Variants in INSL6 observed in about 807,000 individuals in gnomAD.
INSL6 encodes insulin like 6, also known as insulin-like peptide INSL6.
A neutral mutation model predicts 9.4 loss-of-function variants in INSL6; 16 were observed. That is an observed-to-expected ratio of 1.70 (90% CI 1.15 to 2.59). INSL6 has a LOEUF of 2.59. Among genes scored for constraint, INSL6 ranks in the 30% most tolerant of loss-of-function variants. INSL6 has a pLI of 0.00. For synonymous variants in INSL6, 154 were observed against 96.9 expected, an observed-to-expected ratio of 1.59 and a Z score of -3.46; for missense variants, 391 against 257.3, an observed-to-expected ratio of 1.52 and a Z score of -3.56.
chr9:5,072,724 G>GT, the INSL6 span: 7 of 927,826 alleles, frequency 7.5e-6, no homozygotes, highest in East Asian at 1.2e-4. Context: ...TTTCAAAATT[G>GT]TAATTTTTAA....
chr9:5,182,987 T>A (rs756515421), intron 1 of INSL6, among the ~76,000 whole-genome samples: 4 of 152,184 alleles, frequency 2.6e-5, no homozygotes, highest in African/African-American at 4.8e-5. Flanking sequence ...TGTGTCAGAC[T>A]CAAGTAGATC....
At chr9:5,040,783 C>G in the INSL6 span, among the ~76,000 whole-genome samples, 4 of 152,218 alleles carry the variant, frequency 2.6e-5, no homozygotes, top group Non-Finnish European at 4.4e-5. Flanking sequence ...CCTTAACATG[C>G]GGTGGCTGGC....
chr9:5,079,068 G>C, the INSL6 span, among the ~76,000 whole-genome samples: 6 of 152,112 alleles, frequency 3.9e-5, no homozygotes, highest in Non-Finnish European at 7.4e-5. Context: ...TTTGTGCACT[G>C]ATGTGTCCTA....
the INSL6 span, among the ~76,000 whole-genome samples, chr9:5,081,105 C>A: frequency 6.6e-6 from 1 of 151,886 alleles, no homozygotes; most frequent in Non-Finnish European, 1.5e-5. Flanking sequence ...CCGTGTTAGC[C>A]AGGATGGTCT....
At chr9:5,040,508 A>G in the INSL6 span, among the ~76,000 whole-genome samples, 1 of 152,256 alleles carries the variant, frequency 6.6e-6, no homozygotes, top group Non-Finnish European at 1.5e-5. Context: ...CAAAAATGCG[A>G]AAAGACCACC....
chr9:5,046,083 G>C, the INSL6 span, among the ~76,000 whole-genome samples: 1 of 152,154 alleles, frequency 6.6e-6, no homozygotes, highest in Admixed American at 6.5e-5. Context: ...CTATGGGTTT[G>C]AGGTGGTATC....
chr9:5,138,903 C>A (rs970668811), intron 2 of INSL6, among the ~76,000 whole-genome samples: 2 of 132,988 alleles, frequency 1.5e-5, no homozygotes, highest in Non-Finnish European at 3.2e-5. Flanking sequence ...TATATAGTCA[C>A]AAAAAAAATA....
intron 2 of INSL6, among the ~76,000 whole-genome samples, chr9:5,152,978 C>A (rs1307714093): frequency 1.3e-5 from 2 of 152,114 alleles, no homozygotes; most frequent in Non-Finnish European, 2.9e-5. Flanking sequence ...TCAAGCGAAG[C>A]CATTAGGGAC....
At chr9:5,008,525 G>A in the INSL6 span, among the ~76,000 whole-genome samples, 9 of 152,126 alleles carry the variant, frequency 5.9e-5, no homozygotes, top group African/African-American at 1.9e-4. Context: ...AATGATAGTT[G>A]AGCAGCACTA....
chr9:5,034,963 A>G, the INSL6 span, among the ~76,000 whole-genome samples: 2,214 of 152,328 alleles, frequency 0.015, 67 homozygotes, highest in African/African-American at 0.051. Flanking sequence ...GTGTTTTGAA[A>G]AGATCAACAA....
the INSL6 span, chr9:5,085,138 A>C: frequency 1.5e-6 from 1 of 647,904 alleles, no homozygotes; most frequent in Non-Finnish European, 3.0e-6. Flanking sequence ...ATCACTCTGT[A>C]ATACATACTG....
chr9:5,120,603 A>G (rs966276308), downstream of INSL6, among the ~76,000 whole-genome samples: 5 of 152,126 alleles, frequency 3.3e-5, no homozygotes, highest in Non-Finnish European at 5.9e-5. Context: ...CTCCTGGAGG[A>G]TCCTTTACTC....
chr9:5,175,780 T>G (rs951523982), intron 1 of INSL6, among the ~76,000 whole-genome samples: 13 of 152,164 alleles, frequency 8.5e-5, no homozygotes, highest in Non-Finnish European at 1.6e-4. Context: ...ATCTAATGCC[T>G]GATTATCTAT....
the INSL6 span, among the ~76,000 whole-genome samples, chr9:5,050,288 C>T: frequency 6.6e-6 from 1 of 152,008 alleles, no homozygotes; most frequent in African/African-American, 2.4e-5. Context: ...GAATTTATGC[C>T]ATTTATTTAT....
chr9:5,167,651 G>A (rs189467729), intron 1 of INSL6, among the ~76,000 whole-genome samples: 6 of 152,308 alleles, frequency 3.9e-5, no homozygotes, highest in East Asian at 1.9e-4. Flanking sequence ...GGTTGGCCAC[G>A]CTATCGTGGA....
downstream of INSL6, among the ~76,000 whole-genome samples, chr9:5,162,398 G>C (rs999273839): frequency 3.9e-5 from 6 of 151,998 alleles, no homozygotes; most frequent in African/African-American, 1.4e-4. Context: ...GAAGTATATA[G>C]CTATGCAAAT....
At chr9:5,039,185 G>T in the INSL6 span, among the ~76,000 whole-genome samples, 1 of 151,964 alleles carries the variant, frequency 6.6e-6, no homozygotes, top group African/African-American at 2.4e-5. Flanking sequence ...AGAAATAAAA[G>T]GCATTTATAT....
At chr9:5,120,326 TAAC>T (rs1160865643), downstream of INSL6, among the ~76,000 whole-genome samples, 1 of 152,210 alleles carries the variant, frequency 6.6e-6, no homozygotes, top group African/African-American at 2.4e-5. Flanking sequence ...ACCATCACAT[TAAC>T]AACACCTGAA....
chr9:5,126,157 G>A (rs1823979868), intron 3 of INSL6: 1 of 504,090 alleles, frequency 2.0e-6, no homozygotes, highest in East Asian at 3.3e-5. Context: ...AATTATAGAA[G>A]TTCCATATTT....
Sources: gnomAD v4.1 joint callset for allele counts (sites outside exome capture counted in the v4.1 genomes callset) on GRCh38, gnomAD v4.1.1 for gene constraint, MANE v1.5 for transcripts, NCBI Gene and HGNC (gene_info 2026-07-23, HGNC 2026-07-21) for gene names.